The following PPP2R2C variants were observed in gnomAD, a reference collection of about 807,000 sequenced individuals.
PPP2R2C encodes the protein protein phosphatase 2, regulatory subunit B, gamma.
Under a neutral mutation model 45.3 loss-of-function variants are expected in PPP2R2C, and 10 were observed. That is an observed-to-expected ratio of 0.22 (90% CI 0.14 to 0.37). PPP2R2C has a LOEUF of 0.37. Ranked by LOEUF, PPP2R2C falls within the 10% of genes least tolerant of loss-of-function variation. The pLI is 1.00. For missense variants in PPP2R2C, 308 were observed against 619.7 expected (o/e 0.50, Z 5.34); for synonymous variants, 257 against 245.4 (o/e 1.05, Z -0.44).
At chr4:6,372,925 T>TG in intron 4 of PPP2R2C, among the ~76,000 whole-genome samples, 1 of 152,334 alleles carries the variant, frequency 6.6e-6, no homozygotes, top group South Asian at 2.1e-4. Context: ...TGTGAATAAG[T>TG]GGCTGAACCC....
At position 6,472,140 on chromosome 4, in the gene PPP2R2C, T is replaced by A; in HGVS notation, c.70+20A>T. ...CACGCCGCGGCCGGCCGGAGGGGTC[T>A]CAGACAACACGTACGTTACCTTCAG... On this transcript the variant is annotated intron_variant, in intron 1 of 8. Transcript: ENST00000382599. The A allele has an allele frequency of 1.2e-6, 2 of 1,613,306 alleles. No individual in the cohort carries two copies. The highest frequency in any genetic ancestry group is 1.7e-5 in the Admixed American group (1 of 60,020).
chr4:6,449,370 T>C (rs754140092), intron 1 of PPP2R2C, among the ~76,000 whole-genome samples: 3 of 152,228 alleles, frequency 2.0e-5, no homozygotes, highest in Admixed American at 6.5e-5. Flanking sequence ...CCGAGAGAAC[T>C]GCACTTTCAC....
At chr4:6,448,917 C>A (rs1364398981) in intron 1 of PPP2R2C, among the ~76,000 whole-genome samples, 1 of 152,214 alleles carries the variant, frequency 6.6e-6, no homozygotes, top group Non-Finnish European at 1.5e-5. Context: ...AGTGCCCCTG[C>A]TGATGTGGCT....
At chr4:6,376,846 C>G (rs1273442605) in intron 3 of PPP2R2C, among the ~76,000 whole-genome samples, 1 of 152,224 alleles carries the variant, frequency 6.6e-6, no homozygotes, top group Non-Finnish European at 1.5e-5. Flanking sequence ...GGGAGGATCT[C>G]TCATGCTCTG....
chr4:6,350,246 C>T, intron 5 of PPP2R2C: 1 of 985,456 alleles, frequency 1.0e-6, no homozygotes, highest in South Asian at 4.7e-5. Flanking sequence ...CCTGGCAGCC[C>T]AGCCCTCCCA....
intron 5 of PPP2R2C, among the ~76,000 whole-genome samples, chr4:6,352,742 G>A (rs1346847112): frequency 2.0e-5 from 3 of 152,186 alleles, no homozygotes; most frequent in African/African-American, 4.8e-5. Flanking sequence ...CTCCACTGCA[G>A]TGGGTTGAAT....
intron 1 of PPP2R2C, among the ~76,000 whole-genome samples, chr4:6,425,311 C>G (rs564853699): frequency 6.6e-6 from 1 of 152,334 alleles, no homozygotes; most frequent in East Asian, 1.9e-4. Flanking sequence ...AGCCCAATTG[C>G]TAGCCAAGCC....
chr4:6,378,380 T>C lies in PPP2R2C; in HGVS notation c.334+27A>G, dbSNP rs767383400. 3.1e-6 allele frequency: 5 copies of C among 1,613,958 alleles called. No homozygotes were observed. The highest frequency in any genetic ancestry group is 3.3e-5 in the Admixed American group (2 of 60,028). On this transcript the variant is annotated intron_variant, in intron 3 of 8. Coordinates refer to ENST00000382599, the MANE Select transcript of PPP2R2C (RefSeq NM_020416.4). This position sits in a 1 kb window ranked among gnomAD's most constrained non-coding sequence, Gnocchi z 5.2. ...TAGAAACATCTACGGCCTGTGCCCA[T>C]GCAAGCGAGGCCGGGCAGCGCCTCA...
chr4:6,457,365 G>A (rs1361998714), intron 1 of PPP2R2C, among the ~76,000 whole-genome samples: 1 of 152,010 alleles, frequency 6.6e-6, no homozygotes, highest in African/African-American at 2.4e-5. Flanking sequence ...CATAGGGAAT[G>A]CACTGGGAAT....
At chr4:6,494,701 C>G (rs1722816714) in intron 2 of PPP2R2C, among the ~76,000 whole-genome samples, 1 of 152,160 alleles carries the variant, frequency 6.6e-6, no homozygotes, top group Non-Finnish European at 1.5e-5. Flanking sequence ...CAGCTGGGAG[C>G]AGGGCAGACA....
chr4:6,374,960 G>A lies in PPP2R2C; in HGVS notation c.447+859C>T, dbSNP rs909244786. Among the ~76,000 whole-genome samples, 5 of 152,188 alleles carry A rather than the reference G, an allele frequency of 3.3e-5. No individual in the cohort carries two copies. The South Asian group carries it at 6.2e-4, about 19-fold the overall frequency. ...CCCAGGTTCTCAGTGACAGTTAAGT[G>A]TCTTGGGATGTGTGTGACTTACAGA... On this transcript the variant is annotated intron_variant, in intron 4 of 8. Coordinates refer to ENST00000382599, the MANE Select transcript of PPP2R2C (RefSeq NM_020416.4).
rs147393253 is a variant in PPP2R2C, at chr4:6,542,514, C to T, written c.-58-7137G>A. ...TTCAAGACCAGCCTGGCCAACATGA[C>T]GAAACCCTGTCTCTACTAAAAATAC... is the stretch of plus-strand genomic sequence containing the variant. On this transcript the variant is annotated intron_variant, in intron 1 of 9. Coordinates refer to the PPP2R2C transcript ENST00000506140. Among the ~76,000 whole-genome samples the T allele has an allele frequency of 3.0e-3, 449 of 152,000 alleles. 3 individuals are homozygous for T. Among genetic ancestry groups the T allele is most frequent in the Middle Eastern group, 0.017 (5 of 292 alleles).
chr4:6,508,920 T>A (rs780937169), intron 2 of PPP2R2C, among the ~76,000 whole-genome samples: 5 of 152,112 alleles, frequency 3.3e-5, no homozygotes, highest in Non-Finnish European at 5.9e-5. Flanking sequence ...AAACCCCAAG[T>A]CATAGGTCAA....
rs78238529 is a variant in PPP2R2C at position 6,414,289 on chromosome 4, A to G, written c.71-33195T>C. 5.5e-3 allele frequency among the ~76,000 whole-genome samples: 838 copies of G among 152,226 alleles called. 19 individuals are homozygous for G. The East Asian group carries it at 0.071, about 13-fold the overall frequency. On this transcript the variant is annotated intron_variant, in intron 1 of 8. Coordinates refer to ENST00000382599, the MANE Select transcript of PPP2R2C (RefSeq NM_020416.4). ...TCGGCAGCACCCTGCATTACTTCCT[A>G]CATGTACGAAAGGAACCAGTTCCAC... is the stretch of plus-strand genomic sequence containing the variant.
At chr4:6,380,958 C>T in intron 2 of PPP2R2C, 39 bp downstream of exon 2, 1 of 1,472,726 alleles carries the variant, frequency 6.8e-7, no homozygotes, top group Non-Finnish European at 9.0e-7. Flanking sequence ...ACTCTGCTCC[C>T]CACCCCTCCC....
At chr4:6,377,573 T>C (rs1016688608) in intron 3 of PPP2R2C, among the ~76,000 whole-genome samples, 1 of 151,988 alleles carries the variant, frequency 6.6e-6, no homozygotes. Flanking sequence ...GCAGAAAAAT[T>C]GCTTGAACCC....
At chr4:6,450,863 C>T (rs962189725) in intron 1 of PPP2R2C, among the ~76,000 whole-genome samples, 1 of 152,152 alleles carries the variant, frequency 6.6e-6, no homozygotes, top group African/African-American at 2.4e-5. Context: ...CATTGCATAG[C>T]TCCTTGCTCA....
chr4:6,441,011 T>C (rs1418495922), intron 1 of PPP2R2C, among the ~76,000 whole-genome samples: 1 of 151,994 alleles, frequency 6.6e-6, no homozygotes, highest in African/African-American at 2.4e-5. Flanking sequence ...CAAAGTGTCC[T>C]GATCAGGAGG....
At chr4:6,377,010 C>G (rs528121915) in intron 3 of PPP2R2C, among the ~76,000 whole-genome samples, 3 of 152,304 alleles carry the variant, frequency 2.0e-5, no homozygotes, top group South Asian at 4.1e-4. Context: ...AGGAGGGATG[C>G]CTGGCTCAGT....
Sources: allele counts gnomAD v4.1 joint callset (sites outside exome capture counted in the v4.1 genomes callset), GRCh38; gene constraint gnomAD v4.1.1; non-coding constraint Gnocchi (gnomAD v3.1); transcripts MANE v1.5; gene names NCBI Gene and HGNC (gene_info 2026-07-23, HGNC 2026-07-21).